Variants in CYP11B1 observed in about 807,000 individuals in gnomAD.
CYP11B1 encodes cytochrome P450 family 11 subfamily B member 1, also known as cytochrome P450 11B1, mitochondrial.
Under a neutral mutation model 48.3 loss-of-function variants are expected in CYP11B1, and 34 were observed. The observed-to-expected ratio is 0.70, with a 90% CI of 0.54 to 0.94. The LOEUF (loss-of-function observed/expected upper bound fraction) is 0.94, where lower values mean the gene tolerates loss of function less well. Ranked by LOEUF, CYP11B1 falls within the 40% of genes least tolerant of loss-of-function variation. The pLI, the probability that CYP11B1 is intolerant of heterozygous loss-of-function variation, is 0.00. For synonymous variants in CYP11B1, 291 were observed against 262.5 expected (o/e 1.11, Z -1.05); for missense variants, 688 against 657.4 (o/e 1.05, Z -0.51).
intron 1 of CYP11B1, 42 bp from the exon 2 acceptor site, chr8:142,879,229 C>A (rs760851596): frequency 3.7e-6 from 6 of 1,613,164 alleles, no homozygotes; most frequent in Non-Finnish European, 5.1e-6. Context: ...GGGACCATGT[C>A]CCCGCTAGCC....
chr8:142,878,692 AG>A (rs1259726289), intron 2 of CYP11B1, among the ~76,000 whole-genome samples: 1 of 152,180 alleles, frequency 6.6e-6, no homozygotes, highest in Non-Finnish European at 1.5e-5. Flanking sequence ...TACCCTTCTC[AG>A]GGCCTCAGTT....
chr8:142,875,371 C>CT, intron 6 of CYP11B1, 59 bp from the exon 7 acceptor site: 1 of 1,527,730 alleles, frequency 6.5e-7, no homozygotes, highest in East Asian at 2.5e-5. Flanking sequence ...CCTGTGCTCT[C>CT]TGCACCCTTC....
At position 142,875,736 on chromosome 8, in the gene CYP11B1, C is replaced by G; in HGVS notation, c.1097G>C (p.Arg366Pro). The change falls in exon 6 of 9, where the codon CGT (arginine) becomes CCT (proline). Residue 366 changes from arginine (R) to proline (P), a missense_variant. Physicochemically the swap from Arg to Pro is moderately radical, Grantham distance 103 (BLOSUM62 -2). Coordinates refer to ENST00000292427, the MANE Select transcript of CYP11B1 (RefSeq NM_000497.4). ...CCGCAAGGTCTCCTTGAGGGCCGCA[C>G]GCAGCAAGGGCAGCTCGGTGGTTGC... ...QKATTELPLL[R>P]AALKETLRLY... The G allele has an allele frequency of 1.9e-6, 3 of 1,614,028 alleles. No individual in the cohort carries two copies. The highest frequency in any genetic ancestry group is 1.1e-5 in the South Asian group (1 of 91,078).
At chr8:142,875,406 C>G (rs760515896) in intron 6 of CYP11B1, 94 bp from the exon 7 acceptor site, 1 of 1,399,790 alleles carries the variant, frequency 7.1e-7, no homozygotes, top group Non-Finnish European at 9.8e-7. Context: ...GCAGAGGTCC[C>G]AGATCCATGG....
Position 142,876,842 on chromosome 8 carries a change from G to C in CYP11B1, c.639C>G (p.Gly213=), listed in dbSNP as rs560361183. 1 of 1,614,088 alleles carries C rather than the reference G, an allele frequency of 6.2e-7. No individual in the cohort carries two copies. The highest frequency in any genetic ancestry group is 1.3e-5 in the African/African-American group (1 of 75,048). The change falls in exon 4 of 9, where the codon GGC becomes GGG. Residue 213 remains glycine, a synonymous_variant. Transcript: ENST00000292427. ...TCAGGCTGGCAGAACTGGGGCTGTG[G>C]CCAACCAGGCCCAGCCGCTCTCCAA... ...ALFGERLGLV[G]HSPSSASLNF...
rs369815594 is a variant in CYP11B1 at position 142,877,072 on chromosome 8, C to G, written c.546G>C (p.Gly182=). ...LKKKVLQNAR[G]SLTLDVQPSI... Reference sequence around the variant, plus strand: ...TGGGCTGGACGTCCAGGGTCAGGCTCCCCCGGGCGTTCTGCAGCACCTTCT... The same window carrying G: ...TGGGCTGGACGTCCAGGGTCAGGCTGCCCCGGGCGTTCTGCAGCACCTTCT... Residue 182 remains glycine (G), a synonymous_variant, in exon 3 of 9, where the codon GGG becomes GGC. Coordinates refer to ENST00000292427, the MANE Select transcript of CYP11B1 (RefSeq NM_000497.4). 1 of 1,613,702 alleles carries G rather than the reference C, an allele frequency of 6.2e-7. No homozygotes were observed. The highest frequency in any genetic ancestry group is 8.5e-7 in the Non-Finnish European group (1 of 1,179,912).
rs780845350 is a variant in CYP11B1 at position 142,875,331 on chromosome 8, A to G, written c.1122-19T>C. On this transcript the variant is annotated intron_variant, in intron 6 of 8. Transcript: ENST00000292427. Reference sequence around the variant, plus strand: ...GTAGAGCCTGGAGGTGGGGGCATCCATAGAAAGGGTCCTCAGCTGGATGGG... The same window carrying G: ...GTAGAGCCTGGAGGTGGGGGCATCCGTAGAAAGGGTCCTCAGCTGGATGGG... 2.2e-5 allele frequency: 35 copies of G among 1,609,098 alleles called. No homozygotes were observed. The South Asian group carries it at 3.7e-4, about 17-fold the overall frequency.
chr8:142,879,427 C>G, intron 1 of CYP11B1, 148 bp downstream of exon 1: 1 of 1,613,406 alleles, frequency 6.2e-7, no homozygotes, highest in Non-Finnish European at 8.5e-7. Flanking sequence ...GCGCCACAGA[C>G]CAGCACGTGC....
intron 8 of CYP11B1, 79 bp from the exon 9 acceptor site, chr8:142,874,565 T>A: frequency 2.0e-6 from 2 of 997,044 alleles, no homozygotes; most frequent in Non-Finnish European, 3.2e-6. Flanking sequence ...CCCTCAAAGT[T>A]GCAGAGATTA....
chr8:142,877,694 C>T, intron 2 of CYP11B1: 2 of 1,541,494 alleles, frequency 1.3e-6, no homozygotes, highest in African/African-American at 1.4e-5. Flanking sequence ...GCAGCAGCCC[C>T]AGTGAAGTGT....
chr8:142,874,438 T>C lies in CYP11B1; in HGVS notation c.1447A>G (p.Met483Val). 2 of 1,614,008 alleles carry C rather than the reference T, an allele frequency of 1.2e-6. No individual in the cohort carries two copies. The highest frequency in any genetic ancestry group is 2.2e-5 in the East Asian group (1 of 44,872). ...VETLTQEDIKMVYSFILRPSM... is the reference protein window; with the variant it reads ...VETLTQEDIKVVYSFILRPSM... ...GGCCTCAATATGAAGCTGTAGACCA[T>C]CTTTATGTCCTCTTGGGTTAGTGTC... Residue 483 changes from methionine to valine, a missense_variant, in exon 9 of 9, where the codon ATG (methionine) becomes GTG (valine). By Grantham distance (21) the Met-to-Val change is conservative. Coordinates refer to ENST00000292427, the MANE Select transcript of CYP11B1 (RefSeq NM_000497.4).
chr8:142,876,991 T>G (rs766479654), intron 3 of CYP11B1, 32 bp downstream of exon 3: 7 of 1,612,606 alleles, frequency 4.3e-6, no homozygotes, highest in Non-Finnish European at 5.9e-6. Context: ...CTCCAGGGTC[T>G]CTGAGGCTGG....
At position 142,879,060 on chromosome 8, in the gene CYP11B1, G is replaced by C. The variant is rs145050906; in HGVS notation, c.367C>G (p.Arg123Gly). The C allele has an allele frequency of 6.2e-6, 10 of 1,614,020 alleles. No individual in the cohort carries two copies. Among genetic ancestry groups the C allele is most frequent in the African/African-American group, 5.3e-5 (4 of 74,896 alleles). Residue 123 changes from arginine to glycine, a missense_variant, in exon 2 of 9, where the codon CGT becomes GGT. Transcript: ENST00000292427. ...LEPWVAYRQH[R>G]GHKCGVFLLN... ...AAGAACACGCCACATTTGTGCCCAC[G>C]ATGTTGTCTGTAGGCCACCCAGGGC...
intron 2 of CYP11B1, among the ~76,000 whole-genome samples, chr8:142,878,275 C>T (rs1563870384): frequency 1.3e-5 from 2 of 152,186 alleles, no homozygotes; most frequent in Non-Finnish European, 2.9e-5. Context: ...CCCTTGAGTG[C>T]CCTTTTACCT....
At position 142,879,073 on chromosome 8, in the gene CYP11B1, G is replaced by T; in HGVS notation, c.354C>A (p.Ala118=). The T allele has an allele frequency of 6.2e-7, 1 of 1,614,168 alleles. No individual in the cohort carries two copies. The highest frequency in any genetic ancestry group is 1.7e-5 in the Admixed American group (1 of 60,014). The change falls in exon 2 of 9, where the codon GCC becomes GCA. Residue 118 remains alanine, a synonymous_variant. Coordinates refer to ENST00000292427, the MANE Select transcript of CYP11B1 (RefSeq NM_000497.4). ...PHRMSLEPWV[A]YRQHRGHKCG... ...ATTTGTGCCCACGATGTTGTCTGTAGGCCACCCAGGGCTCCAGGCTCATCC... is the reference window on the plus strand; with the variant it reads ...ATTTGTGCCCACGATGTTGTCTGTATGCCACCCAGGGCTCCAGGCTCATCC...
In CYP11B1 at chr8:142,879,764, G is replaced by A. The variant is rs142591816; in HGVS notation, c.50C>T (p.Ser17Phe). 136 of 1,614,204 alleles carry A rather than the reference G, an allele frequency of 8.4e-5. No homozygotes were observed. In the African/African-American group the frequency reaches 1.6e-3, roughly 19 times the overall value. ...AEVCMAVPWLSLQRAQALGTR... is the reference protein window; with the variant it reads ...AEVCMAVPWLFLQRAQALGTR... The stretch of plus-strand genomic sequence containing the variant: ...GCCCAGTGCCTGTGCCCTTTGCAGG[G>A]ACAGCCAGGGCACTGCCATGCACAC... Residue 17 changes from serine (S) to phenylalanine (F), a missense_variant, in exon 1 of 9, where the codon TCC becomes TTC. Ser to Phe is a radical substitution (Grantham distance 155). Transcript: ENST00000292427.
rs879537131 is a variant in CYP11B1, at chr8:142,873,703, T to G, written c.*670A>C. 5.1e-5 allele frequency: 8 copies of G among 156,748 alleles called. No homozygotes were observed. Among genetic ancestry groups the G allele is most frequent in the Non-Finnish European group, 8.5e-5 (6 of 70,708 alleles). 9.7% of individuals were successfully genotyped at this position (156,748 alleles called of 1,614,324 possible). A position where few individuals can be genotyped will look rare whatever the true frequency, so the allele number is the denominator to read the frequency against. The stretch of plus-strand genomic sequence containing the variant: ...CACCCACTCCTGGAACAAGGCCTGG[T>G]CCATGAAAGATGAGGCCTGGGGCAT... On this transcript the variant is annotated 3_prime_UTR_variant, in exon 9 of 9. Transcript: ENST00000292427.
At chr8:142,875,678 C>A in intron 6 of CYP11B1, 34 bp downstream of exon 6, 1 of 1,611,376 alleles carries the variant, frequency 6.2e-7, no homozygotes, top group South Asian at 1.1e-5. Flanking sequence ...CAGCAGGGGG[C>A]CAGGGCCACA....
chr8:142,879,079 C>G lies in CYP11B1; in HGVS notation c.348G>C (p.Trp116Cys), dbSNP rs772003869. 4 of 1,614,170 alleles carry G rather than the reference C, an allele frequency of 2.5e-6. No homozygotes were observed. Among genetic ancestry groups the G allele is most frequent in the African/African-American group, 1.3e-5 (1 of 75,032 alleles). The change falls in exon 2 of 9, where the codon TGG becomes TGC. Residue 116 changes from tryptophan (W) to cysteine (C), a missense_variant. By Grantham distance (215) the Trp-to-Cys change is radical (BLOSUM62 -2). Coordinates refer to ENST00000292427, the MANE Select transcript of CYP11B1 (RefSeq NM_000497.4). ...GCCCACGATGTTGTCTGTAGGCCAC[C>G]CAGGGCTCCAGGCTCATCCTGTGGG... ...LHPHRMSLEP[W>C]VAYRQHRGHK...
Sources: gnomAD v4.1 joint callset for allele counts (sites outside exome capture counted in the v4.1 genomes callset) on GRCh38, gnomAD v4.1.1 for gene constraint, MANE v1.5 for transcripts, NCBI Gene and HGNC (gene_info 2026-07-23, HGNC 2026-07-21) for gene names.